The following MYSM1 variants were observed in gnomAD, a reference collection of about 807,000 sequenced individuals.
MYSM1 encodes deubiquitinase MYSM1.
MYSM1 carries 51 observed loss-of-function variants against 116.0 expected under a neutral mutation model. That is an observed-to-expected ratio of 0.44 (90% CI 0.35 to 0.56). The LOEUF (loss-of-function observed/expected upper bound fraction) is 0.56. Among genes scored for constraint, MYSM1 ranks in the 20% least tolerant of loss-of-function variants. MYSM1 has a pLI of 0.00. For synonymous variants in MYSM1, 313 were observed against 315.2 expected, an observed-to-expected ratio of 0.99 and a Z score of 0.07; for missense variants, 900 against 974.9, an observed-to-expected ratio of 0.92 and a Z score of 1.02.
At position 58,675,564 on chromosome 1, in the gene MYSM1, A is replaced by G. The variant is rs1254704131; in HGVS notation, c.1407T>C (p.Asn469=). Residue 469 remains asparagine, a synonymous_variant, in exon 10 of 20, where the codon AAT becomes AAC. Transcript: ENST00000472487. ...GTACTTTGTCAACTGTTTGTGGCCT[A>G]TTATACACAGCCTGTTCTATTGGAA... The part of the protein sequence containing the change: ...INFGCEQAVY[N]RPQTVDKVRI... 3 of 1,613,276 alleles carry G rather than the reference A, an allele frequency of 1.9e-6. No individual in the cohort carries two copies. Among genetic ancestry groups the G allele is most frequent in the East Asian group, 2.2e-5 (1 of 44,862 alleles).
chr1:58,673,770 T>C (rs1001790326), intron 10 of MYSM1, 120 bp from the exon 11 acceptor site: 2 of 787,740 alleles, frequency 2.5e-6, no homozygotes. Flanking sequence ...TCAATTTAAA[T>C]AGTATAACCT....
rs1178545476 is a variant in MYSM1, at chr1:58,667,197, C to T, written c.1872G>A (p.Leu624=). 6.2e-7 allele frequency: 1 copy of T among 1,601,590 alleles called. No homozygotes were observed. Among genetic ancestry groups the T allele is most frequent in the African/African-American group, 1.3e-5 (1 of 74,484 alleles). Residue 624 remains leucine, a synonymous_variant, in exon 16 of 20, where the codon CTG becomes CTA. Coordinates refer to ENST00000472487, the MANE Select transcript of MYSM1 (RefSeq NM_001085487.3). Reference sequence around the variant, plus strand: ...CCATCTCACACTGTAGTCCTGTACTCAGACTGTTACATGGTTCTGCTGCAC... The same window carrying T: ...CCATCTCACACTGTAGTCCTGTACTTAGACTGTTACATGGTTCTGCTGCAC... The part of the protein sequence containing the change: ...EVCAAEPCNS[L]STGLQCEMDP...
Position 58,673,625 on chromosome 1 carries a change from T to G in MYSM1, c.1520A>C (p.Asp507Ala), listed in dbSNP as rs925513046. 2 of 1,613,898 alleles carry G rather than the reference T, an allele frequency of 1.2e-6. No homozygotes were observed. Among genetic ancestry groups the G allele is most frequent in the Non-Finnish European group, 1.7e-6 (2 of 1,179,948 alleles). ...TGCATCACACCAGTTTCCCCATGGG[T>G]CTCGGACCCTACGTCTCCTTGTACG... ...SMRTRRRRVRDPWGNWCDAKD... is the reference protein window; with the variant it reads ...SMRTRRRRVRAPWGNWCDAKD... The change falls in exon 11 of 20, where the codon GAC becomes GCC. Residue 507 changes from aspartate (D) to alanine (A), a missense_variant. Around this residue, in one of 3 missense-constraint regions of MYSM1, gnomAD observed 622 missense variants for 623.7 expected, o/e 1.00. Transcript: ENST00000472487.
chr1:58,674,602 C>G (rs547630182), intron 10 of MYSM1, among the ~76,000 whole-genome samples: 2 of 152,242 alleles, frequency 1.3e-5, no homozygotes, highest in South Asian at 4.1e-4. Context: ...GTAAAACTAA[C>G]AGGATCATAT....
intron 10 of MYSM1, among the ~76,000 whole-genome samples, chr1:58,674,820 G>A (rs1268458845): frequency 6.6e-6 from 1 of 151,588 alleles, no homozygotes; most frequent in Admixed American, 6.6e-5. Context: ...CCAGCTACTC[G>A]GGAGGCTGAG....
intron 17 of MYSM1, among the ~76,000 whole-genome samples, chr1:58,664,994 G>A (rs1644446559): frequency 6.6e-6 from 1 of 152,188 alleles, no homozygotes; most frequent in African/African-American, 2.4e-5. Context: ...AACCTCAGGG[G>A]AATCAAGTCA....
At chr1:58,694,511 C>T (rs995963026) in intron 2 of MYSM1, among the ~76,000 whole-genome samples, 4 of 152,046 alleles carry the variant, frequency 2.6e-5, no homozygotes, top group Non-Finnish European at 5.9e-5. Context: ...GTCCCAGCTA[C>T]TCGGGAGACT....
chr1:58,660,343 T>C lies in MYSM1; in HGVS notation c.2329-188A>G, dbSNP rs374099057. 7.2e-5 allele frequency among the ~76,000 whole-genome samples: 11 copies of C among 152,274 alleles called. 1 individual carries two copies. The East Asian group carries it at 1.5e-3, about 21-fold the overall frequency. On this transcript the variant is annotated intron_variant, in intron 19 of 19. Coordinates refer to ENST00000472487, the MANE Select transcript of MYSM1 (RefSeq NM_001085487.3). ...GAGCTGGAATGTAGGAAATTGCTGC[T>C]GAGGAACACTCAGCTTAGTACTTTT...
Position 58,690,430 on chromosome 1 carries a change from C to T in MYSM1, c.219-13G>A. 6.4e-7 allele frequency: 1 copy of T among 1,551,006 alleles called. No individual in the cohort carries two copies. The highest frequency in any genetic ancestry group is 1.4e-5 in the African/African-American group (1 of 72,804). On this transcript the variant is annotated splice_polypyrimidine_tract_variant and intron_variant, in intron 3 of 19. Transcript: ENST00000472487. ...AGATAAATAATATCTGTGTAACTATCAAGGAAACTTTTTAAACAATATTAC... is the reference window on the plus strand; with the variant it reads ...AGATAAATAATATCTGTGTAACTATTAAGGAAACTTTTTAAACAATATTAC...
At chr1:58,696,018 A>C (rs1187023249) in intron 1 of MYSM1, among the ~76,000 whole-genome samples, 1 of 152,240 alleles carries the variant, frequency 6.6e-6, no homozygotes, top group Admixed American at 6.5e-5. Flanking sequence ...AAAACCTTTC[A>C]ACAGGCTTAT....
chr1:58,676,241 A>AC (rs113024337), intron 9 of MYSM1, among the ~76,000 whole-genome samples: 8,723 of 151,948 alleles, frequency 0.057, 789 homozygotes, highest in African/African-American at 0.2. Flanking sequence ...ATATGGTGAA[A>AC]CCCGTCTCTA....
intron 3 of MYSM1, 27 bp downstream of exon 3, chr1:58,692,834 A>T: frequency 6.4e-7 from 1 of 1,571,092 alleles, no homozygotes; most frequent in Middle Eastern, 1.7e-4. Flanking sequence ...TGAAACCTGT[A>T]CTTTCCTCAT....
rs1020793541 is a variant in MYSM1, at chr1:58,654,827, A to G, written c.*5170T>C. 2.0e-5 allele frequency: 3 copies of G among 152,206 alleles called. No homozygotes were observed. The highest frequency in any genetic ancestry group is 2.9e-5 in the Non-Finnish European group (2 of 68,026). The allele number at this position is 152,206 out of a possible 1,614,324, so 9.4% of individuals were successfully genotyped here. A position where few individuals can be genotyped will look rare whatever the true frequency, so the allele number is the denominator to read the frequency against. On this transcript the variant is annotated 3_prime_UTR_variant, in exon 20 of 20. Transcript: ENST00000472487. ...ACAAAATCCAAAAGCTTAAAATCAG[A>G]TATCTTATAATGTGTCACAATTAAG...
chr1:58,699,836 C>G, intron 1 of MYSM1, 149 bp downstream of exon 1: 2 of 1,416,558 alleles, frequency 1.4e-6, no homozygotes, highest in Non-Finnish European at 1.8e-6. Context: ...AGCCGGCGGG[C>G]GAGGTGCCTC....
At chr1:58,694,577 C>T (rs1449405938) in intron 2 of MYSM1, among the ~76,000 whole-genome samples, 8 of 151,076 alleles carry the variant, frequency 5.3e-5, no homozygotes, top group East Asian at 3.9e-4. Flanking sequence ...GCCGAGATCA[C>T]GAAACTGCAG....
rs1015685320 is a variant in MYSM1, at chr1:58,668,922, A to G, written c.1716+62T>C. 20 of 1,201,594 alleles carry G rather than the reference A, an allele frequency of 1.7e-5. No individual in the cohort carries two copies. In the Admixed American group the frequency reaches 5.3e-4, roughly 32 times the overall value. The allele number at this position is 1,201,594 out of a possible 1,614,324, so 74.4% of individuals were successfully genotyped here. A position where few individuals can be genotyped will look rare whatever the true frequency, so the allele number is the denominator to read the frequency against. On this transcript the variant is annotated intron_variant, in intron 13 of 19. Transcript: ENST00000472487. ...TTGCACATACGGAAAAAGAGTAAGCATTTCCTGTTTGACGGGGAAGCGGGG... is the reference window on the plus strand; with the variant it reads ...TTGCACATACGGAAAAAGAGTAAGCGTTTCCTGTTTGACGGGGAAGCGGGG...
At chr1:58,687,620 C>T (rs1315168385) in intron 6 of MYSM1, among the ~76,000 whole-genome samples, 1 of 152,110 alleles carries the variant, frequency 6.6e-6, no homozygotes, top group Non-Finnish European at 1.5e-5. Context: ...CCTGCCTAAC[C>T]ACCTGACTAC....
intron 7 of MYSM1, among the ~76,000 whole-genome samples, chr1:58,683,139 A>G (rs879759723): frequency 1.3e-5 from 2 of 152,208 alleles, no homozygotes; most frequent in Admixed American, 1.3e-4. Flanking sequence ...GATTTTTATT[A>G]ATCAAATAAT....
Position 58,682,458 on chromosome 1 carries a change from A to G in MYSM1, c.586T>C (p.Trp196Arg). Residue 196 changes from tryptophan (W) to arginine (R), a missense_variant, in exon 8 of 20, where the codon TGG becomes CGG. By Grantham distance (101) the Trp-to-Arg change is moderately radical. Transcript: ENST00000472487. ...VKNEDKGTKA[W>R]TPSCLRGRAD... Reference sequence around the variant, plus strand: ...CGTCCCCTTAAACATGATGGTGTCCATGCCTTTGTCCCTTTATCTTCATTT... The same window carrying G: ...CGTCCCCTTAAACATGATGGTGTCCGTGCCTTTGTCCCTTTATCTTCATTT... 6.2e-7 allele frequency: 1 copy of G among 1,614,140 alleles called. No individual in the cohort carries two copies. Among genetic ancestry groups the G allele is most frequent in the Admixed American group, 1.7e-5 (1 of 60,018 alleles).
Sources: allele counts gnomAD v4.1 joint callset (sites outside exome capture counted in the v4.1 genomes callset), GRCh38; gene constraint gnomAD v4.1.1; regional missense constraint gnomAD v4.1.1; transcripts MANE v1.5; gene names NCBI Gene and HGNC (gene_info 2026-07-23, HGNC 2026-07-21).